The following OSTN variants were observed in gnomAD, a reference collection of about 807,000 sequenced individuals.
The protein encoded by OSTN is osteocrin.
Under a neutral mutation model 12.0 loss-of-function variants are expected in OSTN, and 9 were observed. That is an observed-to-expected ratio of 0.75 (90% CI 0.45 to 1.30). The LOEUF (loss-of-function observed/expected upper bound fraction) is 1.30. OSTN is among the 50% of genes most tolerant of loss of function. OSTN has a pLI of 0.00. For missense variants in OSTN, 148 were observed against 152.3 expected, an observed-to-expected ratio of 0.97 and a Z score of 0.15; for synonymous variants, 59 against 56.9, an observed-to-expected ratio of 1.04 and a Z score of -0.16.
chr3:191,259,221 C>G (rs1428751863), intron 4 of OSTN, among the ~76,000 whole-genome samples: 13 of 147,402 alleles, frequency 8.8e-5, no homozygotes, highest in Admixed American at 7.4e-4. Flanking sequence ...TTGAGACAGA[C>G]TCTTGCTTTG....
chr3:191,258,599 G>A (rs1266704729), intron 4 of OSTN, among the ~76,000 whole-genome samples: 1 of 151,194 alleles, frequency 6.6e-6, no homozygotes, highest in Non-Finnish European at 1.5e-5. Flanking sequence ...CAGGGCACAT[G>A]TATAGCTATG....
intron 3 of OSTN, among the ~76,000 whole-genome samples, chr3:191,230,184 A>G (rs1715016735): frequency 6.6e-6 from 1 of 152,166 alleles, no homozygotes; most frequent in African/African-American, 2.4e-5. Context: ...TTTGACACAC[A>G]AAATTAGTGT....
At position 191,263,273 on chromosome 3, in the gene OSTN, A is replaced by G. The variant is rs1715851259; in HGVS notation, c.*420A>G. 6.3e-6 allele frequency: 1 copy of G among 159,874 alleles called. No individual in the cohort carries two copies. Among genetic ancestry groups the G allele is most frequent in the Admixed American group, 6.4e-5 (1 of 15,628 alleles). The allele number at this position is 159,874 out of a possible 1,614,324, so 9.9% of individuals were successfully genotyped here. On this transcript the variant is annotated 3_prime_UTR_variant, in exon 5 of 5. Coordinates refer to ENST00000682035, the MANE Select transcript of OSTN (RefSeq NM_198184.2). Reference sequence around the variant, plus strand: ...CATTATTGGGGAATGAGGAAAGGCAATGCTGTGTATTTTCTGTTGAGTACT... The same window carrying G: ...CATTATTGGGGAATGAGGAAAGGCAGTGCTGTGTATTTTCTGTTGAGTACT...
chr3:191,253,823 C>G (rs1715615256), intron 4 of OSTN, among the ~76,000 whole-genome samples: 2 of 152,168 alleles, frequency 1.3e-5, no homozygotes, highest in African/African-American at 4.8e-5. Context: ...CCACAGAAGA[C>G]ACATTTTCAG....
At chr3:191,218,667 G>A (rs2108532764) in intron 2 of OSTN, 80 bp from the exon 3 acceptor site, 1 of 1,150,016 alleles carries the variant, frequency 8.7e-7, no homozygotes. Flanking sequence ...TCAGCTAACA[G>A]TAGCAAAAGC....
At chr3:191,217,062 T>A (rs1714630206) in intron 2 of OSTN, 1 of 152,244 alleles carries the variant, frequency 6.6e-6, no homozygotes, top group African/African-American at 2.4e-5. Context: ...GAGGTTTAAT[T>A]GACTTACAGT....
chr3:191,249,713 G>A lies in OSTN; in HGVS notation c.318-324G>A, dbSNP rs572928245. On this transcript the variant is annotated intron_variant, in intron 3 of 4. Coordinates refer to ENST00000682035, the MANE Select transcript of OSTN (RefSeq NM_198184.2). Reference sequence around the variant, plus strand: ...GAAAAATAAAATTTGAAGGGGGACGGGATTTTCTCAAACTAAAGCACTTAG... The same window carrying A: ...GAAAAATAAAATTTGAAGGGGGACGAGATTTTCTCAAACTAAAGCACTTAG... Among the ~76,000 whole-genome samples, 138 of 152,136 alleles carry A rather than the reference G, an allele frequency of 9.1e-4. 1 individual carries two copies. In the South Asian group the frequency reaches 0.028, roughly 31 times the overall value.
At chr3:191,261,591 CA>C (rs1350330733) in intron 4 of OSTN, among the ~76,000 whole-genome samples, 1 of 152,014 alleles carries the variant, frequency 6.6e-6, no homozygotes, top group Non-Finnish European at 1.5e-5. Context: ...AATCCCCCCA[CA>C]AAAAAACAGC....
intron 1 of OSTN, among the ~76,000 whole-genome samples, chr3:191,209,168 T>C (rs1714357060): frequency 7.5e-6 from 1 of 132,768 alleles, no homozygotes; most frequent in South Asian, 2.3e-4. Context: ...CAAAAATAAA[T>C]AAATAAAAAA....
At chr3:191,205,983 G>C (rs185790686) in intron 1 of OSTN, among the ~76,000 whole-genome samples, 2 of 152,200 alleles carry the variant, frequency 1.3e-5, no homozygotes, top group African/African-American at 2.4e-5. Flanking sequence ...TCAGGAGTTC[G>C]AGAACAGCCT....
At chr3:191,217,306 T>A (rs976493039) in intron 2 of OSTN, 1 of 152,158 alleles carries the variant, frequency 6.6e-6, no homozygotes, top group South Asian at 2.1e-4. Flanking sequence ...TTGGGGAGTA[T>A]GAGGATTACA....
At chr3:191,250,948 G>C (rs762202781) in intron 4 of OSTN, among the ~76,000 whole-genome samples, 5 of 152,130 alleles carry the variant, frequency 3.3e-5, no homozygotes, top group Non-Finnish European at 5.9e-5. Flanking sequence ...CAGCTAAAGA[G>C]ATCAGGCCTT....
At chr3:191,245,174 T>A (rs1311833222) in intron 3 of OSTN, among the ~76,000 whole-genome samples, 2 of 152,228 alleles carry the variant, frequency 1.3e-5, no homozygotes, top group Non-Finnish European at 2.9e-5. Context: ...AGTTGAAATG[T>A]ATGAAATGTT....
In OSTN at chr3:191,233,992, CA is replaced by C. The variant is rs770286956; in HGVS notation, c.317+15044del. On this transcript the variant is annotated intron_variant, in intron 3 of 4. Coordinates refer to ENST00000682035, the MANE Select transcript of OSTN (RefSeq NM_198184.2). ...GGGTCACAAGAGCGAAACTCCATCT[CA>C]AAAAAAAAAAAATTGATGATTGGCC... 2.2e-3 allele frequency among the ~76,000 whole-genome samples: 287 copies of C among 131,706 alleles called. 1 individual carries two copies. The highest frequency in any genetic ancestry group is 4.6e-3 in the African/African-American group (178 of 38,442). 86.4% of individuals were successfully genotyped at this position (131,706 alleles called of 152,430 possible).
At chr3:191,206,070 G>C (rs1478215897) in intron 1 of OSTN, among the ~76,000 whole-genome samples, 1 of 152,000 alleles carries the variant, frequency 6.6e-6, no homozygotes, top group African/African-American at 2.4e-5. Flanking sequence ...TGTAATCCCA[G>C]CTACTCAGGA....
chr3:191,260,101 A>C (rs1320520430), intron 4 of OSTN, among the ~76,000 whole-genome samples: 1 of 151,580 alleles, frequency 6.6e-6, no homozygotes, highest in Non-Finnish European at 1.5e-5. Flanking sequence ...CCGCCACCTC[A>C]CCCTCCCAAA....
intron 2 of OSTN, among the ~76,000 whole-genome samples, chr3:191,214,648 G>T (rs1576924559): frequency 6.6e-6 from 1 of 151,568 alleles, no homozygotes; most frequent in East Asian, 1.9e-4. Context: ...ATGATTAAAG[G>T]GCTTGAAAAT....
chr3:191,217,763 T>A (rs930063018), intron 2 of OSTN, among the ~76,000 whole-genome samples: 2 of 152,184 alleles, frequency 1.3e-5, no homozygotes, highest in Non-Finnish European at 2.9e-5. Flanking sequence ...CTAGTATTTG[T>A]TAATAAATCA....
chr3:191,207,647 A>G (rs987387929), intron 1 of OSTN, among the ~76,000 whole-genome samples: 2 of 152,178 alleles, frequency 1.3e-5, no homozygotes, highest in Admixed American at 1.3e-4. Context: ...ATTCCTACTA[A>G]TAAAAACATC....
Sources: gnomAD v4.1 joint callset for allele counts (sites outside exome capture counted in the v4.1 genomes callset) on GRCh38, gnomAD v4.1.1 for gene constraint, MANE v1.5 for transcripts, NCBI Gene and HGNC (gene_info 2026-07-23, HGNC 2026-07-21) for gene names.